Variants in RPS20 observed in about 807,000 individuals in gnomAD.
RPS20 encodes the protein ribosomal protein S20.
RPS20 carries 3 observed loss-of-function variants against 15.3 expected under a neutral mutation model. That is an observed-to-expected ratio of 0.20 (90% CI 0.09 to 0.51). The LOEUF (loss-of-function observed/expected upper bound fraction) is 0.51, where lower values mean the gene tolerates loss of function less well. Among genes scored for constraint, RPS20 ranks in the 20% least tolerant of loss-of-function variants. RPS20 has a pLI of 0.96. For missense variants in RPS20, 67 were observed against 145.9 expected, an observed-to-expected ratio of 0.46 and a Z score of 2.79; for synonymous variants, 62 against 47.8, an observed-to-expected ratio of 1.30 and a Z score of -1.23.
chr8:56,073,082 T>C lies in RPS20; in HGVS notation c.*8A>G, dbSNP rs532258451. On this transcript the variant is annotated 3_prime_UTR_variant, in exon 4 of 4. Coordinates refer to ENST00000009589, the MANE Select transcript of RPS20 (RefSeq NM_001023.4). The stretch of plus-strand genomic sequence containing the variant: ...ACAACTGGTCATCAATTTATTAAAA[T>C]AGTTGACTTAAGCATCTGCAATGGT... 4 of 1,590,104 alleles carry C rather than the reference T, an allele frequency of 2.5e-6. No homozygotes were observed. Among genetic ancestry groups the C allele is most frequent in the East Asian group, 2.2e-5 (1 of 44,786 alleles).
At chr8:56,073,489 G>A in intron 3 of RPS20, 2 of 638,570 alleles carry the variant, frequency 3.1e-6, no homozygotes, top group South Asian at 3.7e-5. Flanking sequence ...AAGCACCAAA[G>A]CACACCAAGA....
In RPS20 at chr8:56,074,357, G is replaced by A; in HGVS notation, c.3+24C>T. ...CGGCGCCCGAGCCCTGCGTTGCGCC[G>A]CCCGCCGCCGACTGCCGCCTCACCA... On this transcript the variant is annotated intron_variant, in intron 1 of 3. Transcript: ENST00000009589. 4 of 1,550,412 alleles carry A rather than the reference G, an allele frequency of 2.6e-6. No homozygotes were observed. The Admixed American group carries it at 5.6e-5, about 22-fold the overall frequency.
At position 56,074,366 on chromosome 8, in the gene RPS20, C is replaced by T. The variant is rs1303755323; in HGVS notation, c.3+15G>A. ...AGCCCTGCGTTGCGCCGCCCGCCGC[C>T]GACTGCCGCCTCACCATGGCTGTTG... On this transcript the variant is annotated intron_variant, in intron 1 of 3. Coordinates refer to ENST00000009589, the MANE Select transcript of RPS20 (RefSeq NM_001023.4). 1 of 1,555,732 alleles carries T rather than the reference C, an allele frequency of 6.4e-7. No homozygotes were observed.
chr8:56,074,440 TGA>T lies in RPS20; in HGVS notation c.-59_-58del. ...GTTCCTCGGCGAGAGCGAACAGCGGTGAGTCAGGAGCAGGAGCGTGCGGACCA... is the reference window on the plus strand; with the variant it reads ...GTTCCTCGGCGAGAGCGAACAGCGGTGTCAGGAGCAGGAGCGTGCGGACCA... On this transcript the variant is annotated 5_prime_UTR_variant, in exon 1 of 4. Transcript: ENST00000009589. 6.5e-7 allele frequency: 1 copy of T among 1,541,110 alleles called. No homozygotes were observed. Among genetic ancestry groups the T allele is most frequent in the Non-Finnish European group, 8.7e-7 (1 of 1,148,994 alleles).
intron 2 of RPS20, 63 bp from the exon 3 acceptor site, chr8:56,073,831 C>T: frequency 7.0e-7 from 1 of 1,419,296 alleles, no homozygotes; most frequent in Non-Finnish European, 1.0e-6. Context: ...AAGGCCTTCA[C>T]TTCTGCTGGC....
downstream of RPS20, chr8:56,069,853 A>T: frequency 7.5e-7 from 1 of 1,342,088 alleles, no homozygotes; most frequent in East Asian, 2.5e-5. Flanking sequence ...AAAAGTATTC[A>T]GAAAAAAAAT....
downstream of RPS20, chr8:56,069,843 A>G (rs1163272424): frequency 1.4e-6 from 2 of 1,403,566 alleles, no homozygotes; most frequent in African/African-American, 1.4e-5. Flanking sequence ...ACTGTAGATC[A>G]AAAGTATTCA....
At chr8:56,071,850 G>A (rs540467173), downstream of RPS20, among the ~76,000 whole-genome samples, 5 of 152,292 alleles carry the variant, frequency 3.3e-5, no homozygotes, top group South Asian at 1.0e-3. Context: ...ATTTTCTGAA[G>A]GCAATCTTAA....
chr8:56,074,472 T>C lies in RPS20; in HGVS notation c.-89A>G, dbSNP rs528516642. 173 of 1,435,160 alleles carry C rather than the reference T, an allele frequency of 1.2e-4. 1 individual carries two copies. Among genetic ancestry groups the C allele is most frequent in the African/African-American group, 2.7e-4 (19 of 70,480 alleles). The allele number at this position is 1,435,160 out of a possible 1,614,324, so 88.9% of individuals were successfully genotyped here. A position where few individuals can be genotyped will look rare whatever the true frequency, so the allele number is the denominator to read the frequency against. On this transcript the variant is annotated 5_prime_UTR_variant, in exon 1 of 4. Transcript: ENST00000009589. ...GGAGCAGGAGCGTGCGGACCAAAAA[T>C]CCTCAGCCCTTACGACCGCGTCTTC...
chr8:56,069,402 G>C (rs980676754), downstream of RPS20, among the ~76,000 whole-genome samples: 2 of 152,044 alleles, frequency 1.3e-5, no homozygotes, highest in African/African-American at 4.8e-5. Context: ...AGGTTCAAGA[G>C]ATTCTCCTGC....
downstream of RPS20, among the ~76,000 whole-genome samples, chr8:56,069,534 G>C (rs1453636334): frequency 6.6e-6 from 1 of 152,108 alleles, no homozygotes; most frequent in Non-Finnish European, 1.5e-5. Flanking sequence ...CCTGACCTCA[G>C]GTGATCCGCC....
downstream of RPS20, among the ~76,000 whole-genome samples, chr8:56,068,834 TTTTTTTTTTTG>T (rs1809679912): frequency 8.2e-6 from 1 of 122,626 alleles, no homozygotes; most frequent in African/African-American, 3.2e-5. Context: ...TTTTTTTTTT[TTTTTTTTTTTG>T]AGACAGAGTC....
intron 2 of RPS20, 27 bp from the exon 3 acceptor site, chr8:56,073,795 A>G: frequency 6.2e-7 from 1 of 1,605,134 alleles, no homozygotes; most frequent in Non-Finnish European, 8.5e-7. Context: ...ACCTCTCAGT[A>G]TAATCGAAAC....
At position 56,073,655 on chromosome 8, in the gene RPS20, G is replaced by A. The variant is rs200716662; in HGVS notation, c.177+40C>T. The stretch of plus-strand genomic sequence containing the variant: ...AAGAACCTGAATTTATGCAACATCC[G>A]GAAGCAACTCCTACTTCCTGCCCCT... On this transcript the variant is annotated intron_variant, in intron 3 of 3. Transcript: ENST00000009589. 8 of 1,545,068 alleles carry A rather than the reference G, an allele frequency of 5.2e-6. No homozygotes were observed. The South Asian group carries it at 6.7e-5, about 13-fold the overall frequency.
chr8:56,069,628 T>C, downstream of RPS20: 2 of 1,027,356 alleles, frequency 1.9e-6, no homozygotes, highest in Non-Finnish European at 1.5e-6. Context: ...AAAGATAAAA[T>C]TTCATTTGCA....
rs1348685195 is a variant in RPS20, at chr8:56,074,367, G to A, written c.3+14C>T. 3.9e-6 allele frequency: 6 copies of A among 1,556,046 alleles called. No individual in the cohort carries two copies. The highest frequency in any genetic ancestry group is 2.7e-5 in the African/African-American group (2 of 73,586). ...GCCCTGCGTTGCGCCGCCCGCCGCCGACTGCCGCCTCACCATGGCTGTTGC... is the reference window on the plus strand; with the variant it reads ...GCCCTGCGTTGCGCCGCCCGCCGCCAACTGCCGCCTCACCATGGCTGTTGC... On this transcript the variant is annotated intron_variant, in intron 1 of 3. Transcript: ENST00000009589.
At chr8:56,071,373 T>C (rs763759885), downstream of RPS20, among the ~76,000 whole-genome samples, 7 of 152,218 alleles carry the variant, frequency 4.6e-5, no homozygotes, top group Non-Finnish European at 8.8e-5. Flanking sequence ...GGTATTCCAT[T>C]TTAAAATGGT....
chr8:56,072,529 G>C (rs1335405635), downstream of RPS20, among the ~76,000 whole-genome samples: 1 of 149,512 alleles, frequency 6.7e-6, no homozygotes, highest in African/African-American at 2.5e-5. Context: ...TCCAGCCTGG[G>C]CCACAGAGCA....
At chr8:56,073,318 T>TA in intron 3 of RPS20, 46 bp from the exon 4 acceptor site, 1 of 1,217,640 alleles carries the variant, frequency 8.2e-7, no homozygotes, top group South Asian at 1.2e-5. Flanking sequence ...GTTTTATACT[T>TA]ATCCCTAGAA....
Sources: gnomAD v4.1 joint callset for allele counts (sites outside exome capture counted in the v4.1 genomes callset) on GRCh38, gnomAD v4.1.1 for gene constraint, MANE v1.5 for transcripts, NCBI Gene and HGNC (gene_info 2026-07-23, HGNC 2026-07-21) for gene names.